KLHL29: variants seen among roughly 807,000 people sequenced by gnomAD.
The protein encoded by KLHL29 is kelch like family member 29, also known as kelch-like protein 29.
Under a neutral mutation model 80.4 loss-of-function variants are expected in KLHL29, and 21 were observed. The ratio of observed to expected loss-of-function variants is 0.26; its 90% CI spans 0.19 to 0.38. The LOEUF is 0.38. Among genes scored for constraint, KLHL29 ranks in the 10% least tolerant of loss-of-function variants. The probability of loss-of-function intolerance (pLI) is 1.00; values close to 1 mark genes in which losing one functional copy is unlikely to be tolerated. For missense variants in KLHL29, 867 were observed against 1,223.9 expected, an observed-to-expected ratio of 0.71 and a Z score of 4.35; for synonymous variants, 511 against 526.8, an observed-to-expected ratio of 0.97 and a Z score of 0.41.
At chr2:23,549,849 G>C (rs1407081309) in intron 2 of KLHL29, among the ~76,000 whole-genome samples, 1 of 152,246 alleles carries the variant, frequency 6.6e-6, no homozygotes, top group Non-Finnish European at 1.5e-5. Context: ...CAGGCTGCTT[G>C]CATGGCGGGC....
chr2:23,443,002 G>A (rs1023737499), intron 1 of KLHL29, among the ~76,000 whole-genome samples: 6 of 152,034 alleles, frequency 3.9e-5, no homozygotes, highest in Admixed American at 6.6e-5. Context: ...TAGCTGCCAC[G>A]CTGAATGTGA....
chr2:23,627,664 C>T (rs1001143145), intron 3 of KLHL29, among the ~76,000 whole-genome samples: 2 of 152,170 alleles, frequency 1.3e-5, no homozygotes, highest in Admixed American at 1.3e-4. Context: ...CTCGGTGTGA[C>T]TCTGCCGCGT....
chr2:23,560,820 C>T (rs1487584009), intron 2 of KLHL29, among the ~76,000 whole-genome samples: 1 of 152,204 alleles, frequency 6.6e-6, no homozygotes, highest in Non-Finnish European at 1.5e-5. Flanking sequence ...GGGTTGGGCA[C>T]AGGCCCTGGC....
chr2:23,424,206 A>G (rs1430296973), intron 1 of KLHL29, among the ~76,000 whole-genome samples: 2 of 152,194 alleles, frequency 1.3e-5, no homozygotes, highest in Non-Finnish European at 1.5e-5. Context: ...TAAATTACCT[A>G]TTGTAAAAGT....
rs1670656926 is a variant in KLHL29 at position 23,669,730 on chromosome 2, C to T, written c.941-14669C>T. Among the ~76,000 whole-genome samples, 2 of 152,148 alleles carry T rather than the reference C, an allele frequency of 1.3e-5. No individual in the cohort carries two copies. Among genetic ancestry groups the T allele is most frequent in the South Asian group, 2.1e-4 (1 of 4,828 alleles). On this transcript the variant is annotated intron_variant, in intron 5 of 13. Transcript: ENST00000486442. The surrounding 1 kb of genome is among the most constrained non-coding windows in gnomAD (Gnocchi z 4.3). ...CCAGTCAGCCTCTGAGCACAGTGGCCGGTGCCCAGCTCATTTAGAGCTGAG... is the reference window on the plus strand; with the variant it reads ...CCAGTCAGCCTCTGAGCACAGTGGCTGGTGCCCAGCTCATTTAGAGCTGAG...
At chr2:23,512,930 A>G (rs1300870900) in intron 2 of KLHL29, among the ~76,000 whole-genome samples, 1 of 152,248 alleles carries the variant, frequency 6.6e-6, no homozygotes, top group Non-Finnish European at 1.5e-5. Flanking sequence ...GCCTCACACC[A>G]GGATGTGTCC....
At chr2:23,563,837 C>T (rs966422014) in intron 3 of KLHL29, among the ~76,000 whole-genome samples, 2 of 152,174 alleles carry the variant, frequency 1.3e-5, no homozygotes, top group African/African-American at 4.8e-5. Context: ...AACACCACCC[C>T]ACTGAGGCGG....
intron 1 of KLHL29, among the ~76,000 whole-genome samples, chr2:23,450,988 T>C (rs1663861477): frequency 6.6e-6 from 1 of 152,244 alleles, no homozygotes; most frequent in Non-Finnish European, 1.5e-5. Context: ...CCACTTTCTA[T>C]GTCTATAGCT....
At chr2:23,694,007 C>T (rs1237065887) in intron 8 of KLHL29, among the ~76,000 whole-genome samples, 1 of 152,216 alleles carries the variant, frequency 6.6e-6, no homozygotes, top group Admixed American at 6.5e-5. Context: ...AAGGGGTCCT[C>T]AGATCAGGTG....
intron 1 of KLHL29, among the ~76,000 whole-genome samples, chr2:23,402,128 C>T (rs936402715): frequency 4.6e-5 from 7 of 152,120 alleles, no homozygotes; most frequent in Non-Finnish European, 1.0e-4. Context: ...GCAGCCCAGA[C>T]GTGGGAAGAG....
At chr2:23,520,994 C>CG (rs4041286) in intron 2 of KLHL29, among the ~76,000 whole-genome samples, 17,566 of 63,968 alleles carry the variant, frequency 0.27, 1,897 homozygotes, top group East Asian at 0.65. Flanking sequence ...CAAAGACCAC[C>CG]CCCCCCCCCG....
intron 3 of KLHL29, among the ~76,000 whole-genome samples, chr2:23,592,838 G>T (rs58869019): frequency 0.026 from 3,956 of 152,286 alleles, 169 homozygotes; most frequent in African/African-American, 0.09. Flanking sequence ...CCTTCTGCAG[G>T]TAAGCTGGTG....
chr2:23,603,089 A>G (rs1668613127), intron 3 of KLHL29, among the ~76,000 whole-genome samples: 1 of 152,216 alleles, frequency 6.6e-6, no homozygotes, highest in Admixed American at 6.5e-5. Flanking sequence ...GCCTCTCTTC[A>G]GGGTAGGTCA....
chr2:23,535,691 G>A (rs977180957), intron 2 of KLHL29, among the ~76,000 whole-genome samples: 4 of 152,152 alleles, frequency 2.6e-5, no homozygotes, highest in African/African-American at 7.2e-5. Context: ...CCACTTATAC[G>A]AGGTACCTAG....
intron 6 of KLHL29, among the ~76,000 whole-genome samples, chr2:23,686,266 G>A (rs967985851): frequency 3.3e-5 from 5 of 151,932 alleles, no homozygotes; most frequent in Non-Finnish European, 5.9e-5. Flanking sequence ...GGGAGGGGAC[G>A]CCCACCTGAA....
At chr2:23,698,087 G>C (rs113634977) in intron 11 of KLHL29, among the ~76,000 whole-genome samples, 2 of 152,222 alleles carry the variant, frequency 1.3e-5, no homozygotes, top group African/African-American at 4.8e-5. Context: ...TACTCTTCCA[G>C]GGTCCTGGAG....
chr2:23,686,912 A>G (rs953200318), intron 6 of KLHL29, among the ~76,000 whole-genome samples: 3 of 152,194 alleles, frequency 2.0e-5, no homozygotes, highest in Non-Finnish European at 4.4e-5. Flanking sequence ...CAGAGCACAC[A>G]TGACCAAGAA....
At chr2:23,697,709 T>TATC (rs149272269) in intron 11 of KLHL29, 5,214 of 152,252 alleles carry the variant, frequency 0.034, 114 homozygotes, top group South Asian at 0.086. Context: ...AACATTTAGT[T>TATC]ATCATATTGA....
intron 2 of KLHL29, among the ~76,000 whole-genome samples, chr2:23,481,177 T>C (rs1664787583): frequency 6.6e-6 from 1 of 152,344 alleles, no homozygotes; most frequent in South Asian, 2.1e-4. Flanking sequence ...TGGATTTTTG[T>C]AAAGCTCCCC....
Sources: allele counts gnomAD v4.1 joint callset (sites outside exome capture counted in the v4.1 genomes callset), GRCh38; gene constraint gnomAD v4.1.1; non-coding constraint Gnocchi (gnomAD v3.1); transcripts MANE v1.5; gene names NCBI Gene and HGNC (gene_info 2026-07-23, HGNC 2026-07-21).